The following VEGFD variants were observed in gnomAD, a reference collection of about 807,000 sequenced individuals.
The protein encoded by VEGFD is vascular endothelial growth factor D.
VEGFD carries 26 observed loss-of-function variants against 28.0 expected under a neutral mutation model. The observed-to-expected ratio is 0.93, with a 90% CI of 0.68 to 1.29. VEGFD has a LOEUF of 1.29. Ranked by LOEUF, VEGFD falls within the 50% of genes most tolerant of loss-of-function variation. The pLI, the probability that VEGFD is intolerant of heterozygous loss-of-function variation, is 0.00. For missense variants in VEGFD, 294 were observed against 273.4 expected (o/e 1.08, Z -0.53); for synonymous variants, 93 against 95.5 (o/e 0.97, Z 0.15).
chrX:15,383,855 A>G lies in VEGFD; in HGVS notation c.90+2T>C, dbSNP rs767921494. ...ATCACATTAAAAATTGAGCTCACCT[A>G]CCTTCACTGGTCCATGTTCATTACT... On this transcript the variant is annotated splice_donor_variant, in intron 1 of 6. Transcript: ENST00000297904. LOFTEE classifies it high-confidence loss of function. The G allele has an allele frequency of 5.8e-6, 7 of 1,200,801 alleles. No individual in the cohort carries two copies. Among genetic ancestry groups the G allele is most frequent in the Non-Finnish European group, 7.9e-6 (7 of 886,818 alleles).
intron 2 of VEGFD, among the ~76,000 whole-genome samples, chrX:15,361,624 T>A (rs145036148): frequency 5.9e-4 from 66 of 111,996 alleles, no homozygotes; most frequent in African/African-American, 2.0e-3. Flanking sequence ...AGTTTTGGCC[T>A]AGTGGTTAAT....
At position 15,355,222 on chromosome X, in the gene VEGFD, T is replaced by C. The variant is rs1922836111; in HGVS notation, c.569A>G (p.Lys190Arg). 2 of 1,204,275 alleles carry C rather than the reference T, an allele frequency of 1.7e-6. No individual in the cohort carries two copies. Among genetic ancestry groups the C allele is most frequent in the Non-Finnish European group, 2.2e-6 (2 of 892,723 alleles). The change falls in exon 4 of 7, where the codon AAG becomes AGG. Residue 190 changes from lysine (K) to arginine (R), a missense_variant. Coordinates refer to ENST00000297904, the MANE Select transcript of VEGFD (RefSeq NM_004469.5). Reference sequence around the variant, plus strand: ...ATGGCGGGGGGCTGTTGGCAAGCACTTACAACCTGTATGATTGGCAACTTT... The same window carrying C: ...ATGGCGGGGGGCTGTTGGCAAGCACCTACAACCTGTATGATTGGCAACTTT... The part of the protein sequence containing the change: ...PVKVANHTGC[K>R]CLPTAPRHPY...
intron 6 of VEGFD, among the ~76,000 whole-genome samples, chrX:15,346,652 G>T (rs749341956): frequency 8.9e-6 from 1 of 112,057 alleles, no homozygotes; most frequent in Non-Finnish European, 1.9e-5. Flanking sequence ...TCTAAACCCC[G>T]GGTGGGCGCG....
chrX:15,371,938 A>G (rs144827899), intron 1 of VEGFD, among the ~76,000 whole-genome samples: 2,026 of 112,333 alleles, frequency 0.018, 39 homozygotes, highest in African/African-American at 0.062. Flanking sequence ...GAGAGCACGT[A>G]GTATGTATCT....
chrX:15,349,733 C>T (rs1410615898), intron 5 of VEGFD, among the ~76,000 whole-genome samples: 4 of 111,699 alleles, frequency 3.6e-5, no homozygotes, highest in African/African-American at 1.3e-4. Flanking sequence ...CTTGGATTCA[C>T]TAACCTAAAT....
At chrX:15,382,695 T>C (rs149847042) in intron 1 of VEGFD, among the ~76,000 whole-genome samples, 3,631 of 111,149 alleles carry the variant, frequency 0.033, 152 homozygotes, top group African/African-American at 0.11. Context: ...GGCAGTAAAA[T>C]GGAGCCAAAC....
chrX:15,362,056 T>C (rs1923028083), intron 2 of VEGFD, among the ~76,000 whole-genome samples: 1 of 110,624 alleles, frequency 9.0e-6, no homozygotes, highest in Non-Finnish European at 1.9e-5. Context: ...TTAGTAGAGA[T>C]GGGTTTTCAC....
intron 1 of VEGFD, among the ~76,000 whole-genome samples, chrX:15,378,687 A>G (rs1418067623): frequency 8.9e-6 from 1 of 112,076 alleles, no homozygotes; most frequent in Non-Finnish European, 1.9e-5. Context: ...TAATTTATAT[A>G]TAACACAATT....
intron 1 of VEGFD, among the ~76,000 whole-genome samples, chrX:15,369,470 G>C (rs12012910): frequency 0.018 from 2,005 of 111,334 alleles, 40 homozygotes; most frequent in African/African-American, 0.062. Flanking sequence ...TTCACACCCA[G>C]TAGAATGGCT....
At chrX:15,354,942 C>T (rs16979840) in intron 4 of VEGFD, among the ~76,000 whole-genome samples, 1,171 of 111,404 alleles carry the variant, frequency 0.011, 13 homozygotes, top group African/African-American at 0.036. Context: ...TACCACTGAG[C>T]GTTTTGGTCC....
At chrX:15,369,166 G>A (rs1257330996) in intron 1 of VEGFD, among the ~76,000 whole-genome samples, 3 of 111,615 alleles carry the variant, frequency 2.7e-5, no homozygotes, top group Non-Finnish European at 3.8e-5. Context: ...AGGTATAGTG[G>A]TGGGGTTTGT....
intron 1 of VEGFD, among the ~76,000 whole-genome samples, chrX:15,373,320 T>C (rs760313040): frequency 9.0e-6 from 1 of 111,691 alleles, no homozygotes; most frequent in South Asian, 3.7e-4. Context: ...TTCAAAAAGC[T>C]TTTCTTGAGC....
chrX:15,379,004 C>T (rs961669870), intron 1 of VEGFD, among the ~76,000 whole-genome samples: 2 of 111,134 alleles, frequency 1.8e-5, no homozygotes, highest in African/African-American at 6.6e-5. Flanking sequence ...CAACTTGCTG[C>T]GCCCACCATG....
intron 3 of VEGFD, among the ~76,000 whole-genome samples, chrX:15,356,374 G>A (rs1177074603): frequency 1.8e-5 from 2 of 111,935 alleles, no homozygotes; most frequent in South Asian, 3.7e-4. Flanking sequence ...ACTTTGGGGC[G>A]AGAGATAGTT....
intron 1 of VEGFD, among the ~76,000 whole-genome samples, chrX:15,380,571 C>T (rs1473394274): frequency 8.9e-6 from 1 of 112,915 alleles, no homozygotes; most frequent in Non-Finnish European, 1.9e-5. Context: ...TTGTGAAAGC[C>T]TACTATGGCC....
Position 15,358,114 on chromosome X carries a change from A to T in VEGFD, c.381T>A (p.Ser127Arg). 2 of 1,210,794 alleles carry T rather than the reference A, an allele frequency of 1.7e-6. No homozygotes were observed. The highest frequency in any genetic ancestry group is 2.2e-6 in the Non-Finnish European group (2 of 895,167). ...AAGGGGGCTTGAAGAATGTGTTGGT[A>T]CTCTTCCCCAGCTCACTGGCCACCT... ...CVEVASELGKSTNTFFKPPCV... is the reference protein window; with the variant it reads ...CVEVASELGKRTNTFFKPPCV... Residue 127 changes from serine to arginine, a missense_variant, in exon 3 of 7, where the codon AGT becomes AGA. Ser to Arg is a moderately radical substitution (Grantham distance 110, BLOSUM62 -1). Transcript: ENST00000297904.
intron 1 of VEGFD, among the ~76,000 whole-genome samples, chrX:15,372,803 T>C (rs1426794741): frequency 8.9e-6 from 1 of 112,306 alleles, no homozygotes; most frequent in Non-Finnish European, 1.9e-5. Context: ...TTTAAATCTA[T>C]TTGATGTATA....
chrX:15,351,371 G>A (rs932415753), intron 5 of VEGFD, among the ~76,000 whole-genome samples: 2 of 106,599 alleles, frequency 1.9e-5, no homozygotes, highest in African/African-American at 3.4e-5. Flanking sequence ...CGCCCGCCTC[G>A]GCCTCCCAAA....
At chrX:15,368,142 A>T (rs1923224691) in intron 1 of VEGFD, among the ~76,000 whole-genome samples, 1 of 109,789 alleles carries the variant, frequency 9.1e-6, no homozygotes, top group African/African-American at 3.3e-5. Flanking sequence ...AAAGAAAGAA[A>T]GGAGAGAAAG....
Sources: allele counts gnomAD v4.1 joint callset (sites outside exome capture counted in the v4.1 genomes callset), GRCh38; gene constraint gnomAD v4.1.1; transcripts MANE v1.5; gene names NCBI Gene and HGNC (gene_info 2026-07-23, HGNC 2026-07-21).